Variants in PCBD2 observed in about 807,000 individuals in gnomAD.
PCBD2 encodes the protein pterin-4 alpha-carbinolamine dehydratase 2.
In PCBD2, 12 loss-of-function variants were observed where a neutral mutation model predicts 16.4. That is an observed-to-expected ratio of 0.73 (90% CI 0.47 to 1.19). The LOEUF is 1.19. Among genes scored for constraint, PCBD2 ranks in the 50% most tolerant of loss-of-function variants. The pLI is 0.00. For synonymous variants in PCBD2, 58 were observed against 61.8 expected (o/e 0.94, Z 0.29); for missense variants, 138 against 156.8 (o/e 0.88, Z 0.64).
chr5:134,906,173 C>T (rs1364979418), intron 1 of PCBD2, among the ~76,000 whole-genome samples: 2 of 143,872 alleles, frequency 1.4e-5, no homozygotes, highest in Admixed American at 7.1e-5. Context: ...TGCGCCTGGC[C>T]TGAAATTCTT....
At chr5:134,950,032 G>A (rs1285821026) in intron 2 of PCBD2, among the ~76,000 whole-genome samples, 1 of 152,192 alleles carries the variant, frequency 6.6e-6, no homozygotes, top group African/African-American at 2.4e-5. Context: ...GTTTCAAGAC[G>A]TGAAGAAATG....
chr5:134,952,882 C>T (rs1272571104), intron 2 of PCBD2, among the ~76,000 whole-genome samples: 2 of 151,138 alleles, frequency 1.3e-5, no homozygotes, highest in African/African-American at 4.9e-5. Context: ...CCTACATGGG[C>T]TTATTCAATG....
At chr5:134,926,465 T>C (rs1750998456) in intron 2 of PCBD2, 2 of 394,352 alleles carry the variant, frequency 5.1e-6, no homozygotes, top group African/African-American at 4.1e-5. Context: ...GTTATTACTT[T>C]TATTTGGAGT....
rs1751485583 is a variant in PCBD2 at position 134,962,108 on chromosome 5, T to TG, written c.*1427_*1428insG. ...TGTGTGTGTGTGTGTGTGTGTGTGT[T>TG]TGACACGGGGTCTCATTCTGTTGCC... On this transcript the variant is annotated 3_prime_UTR_variant, in exon 4 of 4. Transcript: ENST00000254908. Among the ~76,000 whole-genome samples the TG allele has an allele frequency of 8.0e-6, 1 of 125,322 alleles. No homozygotes were observed. The highest frequency in any genetic ancestry group is 1.7e-5 in the Non-Finnish European group (1 of 57,912). The allele number at this position is 125,322 out of a possible 152,430, so 82.2% of individuals were successfully genotyped here. A position where few individuals can be genotyped will look rare whatever the true frequency, so the allele number is the denominator to read the frequency against.
At chr5:134,928,474 G>A (rs74429636) in intron 2 of PCBD2, 1 of 319,380 alleles carries the variant, frequency 3.1e-6, no homozygotes, top group Non-Finnish European at 5.8e-6. Flanking sequence ...GGGACGATGT[G>A]ACTATTAGTG....
intron 2 of PCBD2, among the ~76,000 whole-genome samples, chr5:134,936,696 A>T (rs960861628): frequency 3.3e-5 from 5 of 152,218 alleles, no homozygotes; most frequent in African/African-American, 7.2e-5. Flanking sequence ...GATTCATGAC[A>T]TGCTGGTGAT....
intron 2 of PCBD2, chr5:134,925,997 T>C: frequency 2.6e-6 from 1 of 385,234 alleles, no homozygotes; most frequent in Non-Finnish European, 4.6e-6. Flanking sequence ...CATCAACTAA[T>C]GAGTAAAAAG....
At chr5:134,907,072 C>T (rs1187696440) in intron 1 of PCBD2, among the ~76,000 whole-genome samples, 1 of 152,192 alleles carries the variant, frequency 6.6e-6, no homozygotes, top group East Asian at 1.9e-4. Context: ...TGTGGATGGT[C>T]CAGCACTCAG....
chr5:134,952,131 ATTGT>A (rs1283627173), intron 2 of PCBD2, among the ~76,000 whole-genome samples: 1 of 141,492 alleles, frequency 7.1e-6, no homozygotes, highest in Admixed American at 7.0e-5. Flanking sequence ...CTAATTGGTT[ATTGT>A]TTGTATGAGA....
intron 2 of PCBD2, among the ~76,000 whole-genome samples, chr5:134,958,337 G>A (rs777810191): frequency 6.6e-6 from 1 of 152,150 alleles, no homozygotes; most frequent in Non-Finnish European, 1.5e-5. Context: ...ACAGAGCCCC[G>A]TCAGTCCACA....
intron 2 of PCBD2, among the ~76,000 whole-genome samples, chr5:134,946,663 A>G (rs1248479587): frequency 1.3e-5 from 2 of 152,200 alleles, no homozygotes; most frequent in Non-Finnish European, 2.9e-5. Context: ...ATGATACTCT[A>G]TTTTACAAAA....
Position 134,954,632 on chromosome 5 carries a change from G to T in PCBD2, c.217-4408G>T, listed in dbSNP as rs1011144686. 3.3e-5 allele frequency among the ~76,000 whole-genome samples: 5 copies of T among 152,220 alleles called. No homozygotes were observed. In the East Asian group the frequency reaches 9.6e-4, roughly 29 times the overall value. On this transcript the variant is annotated intron_variant, in intron 2 of 3. Transcript: ENST00000254908. ...GCATTTATTTTTGAAAAGTAGCTTA[G>T]CTGGGTATAAAATTCCTGGTTTTCA...
chr5:134,943,227 C>T (rs1418586783), intron 2 of PCBD2, among the ~76,000 whole-genome samples: 2 of 152,126 alleles, frequency 1.3e-5, no homozygotes, highest in Non-Finnish European at 2.9e-5. Context: ...AAACCCCTTC[C>T]ATTCATGAGG....
chr5:134,944,744 C>T (rs1751271330), intron 2 of PCBD2, among the ~76,000 whole-genome samples: 1 of 152,182 alleles, frequency 6.6e-6, no homozygotes, highest in Admixed American at 6.5e-5. Flanking sequence ...GAAAGACCGG[C>T]TCAGCCTCCC....
intron 2 of PCBD2, among the ~76,000 whole-genome samples, chr5:134,947,381 C>T (rs897291694): frequency 4.8e-5 from 7 of 146,914 alleles, no homozygotes; most frequent in African/African-American, 1.5e-4. Flanking sequence ...CCATCGCGCC[C>T]GGCCTCAATT....
At chr5:134,956,163 AT>A (rs1276030242) in intron 2 of PCBD2, among the ~76,000 whole-genome samples, 1 of 152,228 alleles carries the variant, frequency 6.6e-6, no homozygotes, top group African/African-American at 2.4e-5. Flanking sequence ...TTAAGAATAA[AT>A]CCTGTGTAAA....
chr5:134,924,493 G>A (rs1750958731), intron 2 of PCBD2: 2 of 397,484 alleles, frequency 5.0e-6, no homozygotes, highest in East Asian at 7.1e-5. Context: ...GTGGGAAGTT[G>A]AATAATTTAT....
chr5:134,918,788 C>G (rs1041481634), intron 2 of PCBD2, among the ~76,000 whole-genome samples: 1 of 152,124 alleles, frequency 6.6e-6, no homozygotes, highest in African/African-American at 2.4e-5. Flanking sequence ...TGTTGGTGTT[C>G]CCTTTGGAGT....
Position 134,928,818 on chromosome 5 carries a change from C to A in PCBD2, c.216+18352C>A, listed in dbSNP as rs548526729. On this transcript the variant is annotated intron_variant, in intron 2 of 3. Transcript: ENST00000254908. ...CCACTCCAGCCTAGGCAACATGACT[C>A]CCAGATTTCGGGCCTGGAGGAAAGG... Among the ~76,000 whole-genome samples the A allele has an allele frequency of 2.0e-5, 3 of 152,164 alleles. 1 individual carries two copies. The South Asian group carries it at 6.2e-4, about 32-fold the overall frequency.
Sources: gnomAD v4.1 joint callset for allele counts (sites outside exome capture counted in the v4.1 genomes callset) on GRCh38, gnomAD v4.1.1 for gene constraint, MANE v1.5 for transcripts, NCBI Gene and HGNC (gene_info 2026-07-23, HGNC 2026-07-21) for gene names.